NAALADL2: variants seen among roughly 807,000 people sequenced by gnomAD.
NAALADL2 encodes the protein inactive N-acetylated-alpha-linked acidic dipeptidase-like protein 2.
A neutral mutation model predicts 87.2 loss-of-function variants in NAALADL2; 76 were observed. That is an observed-to-expected ratio of 0.87 (90% CI 0.72 to 1.05). The LOEUF is 1.05. NAALADL2 is among the 50% of genes least tolerant of loss of function. NAALADL2 has a pLI of 0.00. For missense variants in NAALADL2, 1,089 were observed against 945.8 expected (o/e 1.15, Z -1.99); for synonymous variants, 354 against 331.0 (o/e 1.07, Z -0.75).
intron 5 of NAALADL2, among the ~76,000 whole-genome samples, chr3:175,343,337 A>T (rs1277721294): frequency 6.6e-6 from 1 of 152,078 alleles, no homozygotes; most frequent in African/African-American, 2.4e-5. Flanking sequence ...AAGTTGGATG[A>T]TTTAGAACAC....
At chr3:175,610,367 C>T (rs1192067805) in intron 10 of NAALADL2, among the ~76,000 whole-genome samples, 1 of 151,580 alleles carries the variant, frequency 6.6e-6, no homozygotes, top group Non-Finnish European at 1.5e-5. Context: ...TTTTTTTTTA[C>T]ATGTTCAATG....
At chr3:174,481,109 T>C (rs1031141333) in intron 1 of NAALADL2, among the ~76,000 whole-genome samples, 2 of 152,112 alleles carry the variant, frequency 1.3e-5, no homozygotes, top group African/African-American at 4.8e-5. Flanking sequence ...AGGTAGATTC[T>C]GGCTAGCATG....
intron 1 of NAALADL2, among the ~76,000 whole-genome samples, chr3:174,981,942 A>G (rs1745176392): frequency 6.6e-6 from 1 of 152,194 alleles, no homozygotes; most frequent in Non-Finnish European, 1.5e-5. Flanking sequence ...TCCTTTACGG[A>G]CACTTTCTGA....
In NAALADL2 at chr3:175,327,318, G is replaced by C. The variant is rs536050335; in HGVS notation, c.1090+2993G>C. ...CTACAGGCGCCTGCCACCATGCCCG[G>C]CTAATTTTTTGTATTTTTAGTAGAG... On this transcript the variant is annotated intron_variant, in intron 5 of 13. Transcript: ENST00000454872. Among the ~76,000 whole-genome samples, 168 of 151,976 alleles carry C rather than the reference G, an allele frequency of 1.1e-3. 2 individuals carry two copies. Among genetic ancestry groups the C allele is most frequent in the African/African-American group, 3.9e-3 (160 of 41,476 alleles).
chr3:174,949,525 G>C (rs767488502), intron 1 of NAALADL2, among the ~76,000 whole-genome samples: 6 of 152,084 alleles, frequency 3.9e-5, no homozygotes, highest in Non-Finnish European at 7.4e-5. Flanking sequence ...AACAAATTCA[G>C]TAATCAGCTA....
chr3:174,616,166 T>A (rs572106781), intron 2 of NAALADL2, among the ~76,000 whole-genome samples: 1 of 151,876 alleles, frequency 6.6e-6, no homozygotes, highest in Non-Finnish European at 1.5e-5. Flanking sequence ...TCGTTGATGT[T>A]GTAAATCTAT....
chr3:175,409,113 C>A (rs1002006830), intron 5 of NAALADL2, among the ~76,000 whole-genome samples: 3 of 151,730 alleles, frequency 2.0e-5, no homozygotes, highest in Admixed American at 1.3e-4. Flanking sequence ...GGAGATTTTT[C>A]TTTTCCACAT....
At chr3:174,782,975 A>G (rs545863909) in intron 3 of NAALADL2, among the ~76,000 whole-genome samples, 13 of 152,218 alleles carry the variant, frequency 8.5e-5, no homozygotes, top group African/African-American at 3.1e-4. Context: ...TGGTGAATGC[A>G]TTCTCTCATA....
chr3:174,622,837 GA>G (rs1293012090), intron 2 of NAALADL2, among the ~76,000 whole-genome samples: 1 of 152,066 alleles, frequency 6.6e-6, no homozygotes, highest in Non-Finnish European at 1.5e-5. Flanking sequence ...TCGGGAGATG[GA>G]GACCATCCTG....
intron 3 of NAALADL2, among the ~76,000 whole-genome samples, chr3:174,807,881 G>A (rs1719688058): frequency 7.0e-6 from 1 of 143,748 alleles, no homozygotes; most frequent in South Asian, 2.3e-4. Flanking sequence ...GTGTGTGTGT[G>A]TGTGTGTGAG....
At chr3:175,106,869 G>A (rs1723247507) in intron 2 of NAALADL2, among the ~76,000 whole-genome samples, 1 of 151,722 alleles carries the variant, frequency 6.6e-6, no homozygotes, top group Non-Finnish European at 1.5e-5. Context: ...ATTTACAGGG[G>A]AACATTTAAA....
At chr3:175,738,188 C>T (rs1744767958) in intron 12 of NAALADL2, among the ~76,000 whole-genome samples, 1 of 152,120 alleles carries the variant, frequency 6.6e-6, no homozygotes, top group Admixed American at 6.6e-5. Context: ...AAACAGTAAT[C>T]CTTTGAAAAT....
At chr3:174,656,350 A>G (rs1207933698) in intron 2 of NAALADL2, among the ~76,000 whole-genome samples, 2 of 152,182 alleles carry the variant, frequency 1.3e-5, no homozygotes, top group African/African-American at 2.4e-5. Context: ...TTCAAAACAG[A>G]CACTCTAGTA....
rs201634376 is a variant in NAALADL2 at position 175,281,119 on chromosome 3, A to AAT, written c.939+24603_939+24604dup. Reference sequence around the variant, plus strand: ...ACTAAAATAATTAAAACTTAAAAAAAATATATATATATATAAATGGATTGG... The same window carrying AAT: ...ACTAAAATAATTAAAACTTAAAAAAAATATATATATATATATAAATGGATTGG... On this transcript the variant is annotated intron_variant, in intron 4 of 13. Coordinates refer to ENST00000454872, the MANE Select transcript of NAALADL2 (RefSeq NM_207015.3). 7.6e-3 allele frequency among the ~76,000 whole-genome samples: 1,140 copies of AAT among 149,382 alleles called. 13 individuals are homozygous for AAT. The highest frequency in any genetic ancestry group is 0.026 in the African/African-American group (1,078 of 41,016).
In NAALADL2 at chr3:174,511,481, T is replaced by A. The variant is rs569295965; in HGVS notation, c.-183-39088T>A. Among the ~76,000 whole-genome samples the A allele has an allele frequency of 2.6e-5, 4 of 152,152 alleles. No homozygotes were observed. In the East Asian group the frequency reaches 7.7e-4, roughly 29 times the overall value. On this transcript the variant is annotated intron_variant, in intron 1 of 3. Coordinates refer to the NAALADL2 transcript ENST00000434257. ...TCTGATTTAATATGGAAATTCCAGC[T>A]TTCTTTTGGTTAGTGATTGCGTATT...
At chr3:175,764,646 C>CT (rs1482745878) in intron 13 of NAALADL2, among the ~76,000 whole-genome samples, 1 of 151,884 alleles carries the variant, frequency 6.6e-6, no homozygotes, top group Admixed American at 6.6e-5. Context: ...ACTAAAAGTA[C>CT]TTTTCAAACA....
intron 5 of NAALADL2, among the ~76,000 whole-genome samples, chr3:175,391,623 G>T (rs540253428): frequency 2.0e-5 from 3 of 152,296 alleles, no homozygotes; most frequent in Admixed American, 1.3e-4. Flanking sequence ...CTTCAGAGGA[G>T]ATCTCAGCTG....
intron 11 of NAALADL2, among the ~76,000 whole-genome samples, chr3:175,647,149 T>C (rs1482159433): frequency 1.3e-5 from 2 of 152,116 alleles, no homozygotes; most frequent in African/African-American, 2.4e-5. Flanking sequence ...AAGCGAGTCA[T>C]ATGGCCATGT....
chr3:174,901,320 A>G (rs907511132), intron 1 of NAALADL2, among the ~76,000 whole-genome samples: 48 of 152,184 alleles, frequency 3.2e-4, no homozygotes, highest in African/African-American at 1.2e-3. Flanking sequence ...TATCTGAGAT[A>G]TAGATGGAGC....
Sources: allele counts gnomAD v4.1 joint callset (sites outside exome capture counted in the v4.1 genomes callset), GRCh38; gene constraint gnomAD v4.1.1; transcripts MANE v1.5; gene names NCBI Gene and HGNC (gene_info 2026-07-23, HGNC 2026-07-21).